GALNT13: variants seen among roughly 807,000 people sequenced by gnomAD.
GALNT13 encodes the protein polypeptide N-acetylgalactosaminyltransferase 13.
GALNT13 carries 28 observed loss-of-function variants against 64.2 expected under a neutral mutation model. The ratio of observed to expected loss-of-function variants is 0.44; its 90% CI spans 0.32 to 0.60. The LOEUF (loss-of-function observed/expected upper bound fraction) is 0.60. GALNT13 is among the 20% of genes least tolerant of loss of function. The pLI is 0.05. For synonymous variants in GALNT13, 214 were observed against 224.6 expected (o/e 0.95, Z 0.42); for missense variants, 577 against 669.8 (o/e 0.86, Z 1.53).
At chr2:154,103,073 T>A (rs1262854675) in intron 3 of GALNT13, among the ~76,000 whole-genome samples, 1 of 152,110 alleles carries the variant, frequency 6.6e-6, no homozygotes, top group East Asian at 1.9e-4. Context: ...ATCAAGTATT[T>A]TTTTTTCATT....
intron 9 of GALNT13, among the ~76,000 whole-genome samples, chr2:154,311,282 CT>C (rs1694022232): frequency 6.6e-6 from 1 of 151,944 alleles, no homozygotes; most frequent in Non-Finnish European, 1.5e-5. Context: ...CACGTAGGTT[CT>C]TTTCTATTTT....
At chr2:154,079,633 G>A (rs757258991) in intron 3 of GALNT13, among the ~76,000 whole-genome samples, 5 of 151,448 alleles carry the variant, frequency 3.3e-5, no homozygotes, top group Non-Finnish European at 4.4e-5. Context: ...CGTCCCTCAT[G>A]ATGAGTCACC....
At chr2:153,567,576 A>G in the GALNT13 span, among the ~76,000 whole-genome samples, 1 of 152,182 alleles carries the variant, frequency 6.6e-6, no homozygotes, top group African/African-American at 2.4e-5. Flanking sequence ...AAATCTAGTG[A>G]GAATCAACAG....
At chr2:154,368,161 TAA>T (rs11345701) in intron 9 of GALNT13, among the ~76,000 whole-genome samples, 20 of 152,006 alleles carry the variant, frequency 1.3e-4, no homozygotes, top group South Asian at 2.1e-4. Flanking sequence ...ATAAAATATG[TAA>T]AAAAAAAATT....
At chr2:153,295,056 A>C in the GALNT13 span, among the ~76,000 whole-genome samples, 2 of 152,298 alleles carry the variant, frequency 1.3e-5, no homozygotes, top group East Asian at 3.9e-4. Flanking sequence ...AAATAGACAC[A>C]GGTGAAGCCC....
At chr2:153,709,923 T>G in the GALNT13 span, among the ~76,000 whole-genome samples, 1 of 151,984 alleles carries the variant, frequency 6.6e-6, no homozygotes, top group Non-Finnish European at 1.5e-5. Context: ...ATAAATGGAA[T>G]CTAAAACAAT....
chr2:154,256,236 A>G (rs1307192428), intron 7 of GALNT13, among the ~76,000 whole-genome samples: 1 of 149,918 alleles, frequency 6.7e-6, no homozygotes, highest in Non-Finnish European at 1.5e-5. Context: ...AGGTAGATTC[A>G]CCCAAGCACC....
At chr2:153,707,255 T>C in the GALNT13 span, among the ~76,000 whole-genome samples, 2 of 152,304 alleles carry the variant, frequency 1.3e-5, no homozygotes, top group East Asian at 3.9e-4. Context: ...ATTGTAAAGT[T>C]GTAAGAATAA....
At chr2:153,873,882 CTCTG>C (rs964429443) in intron 1 of GALNT13, among the ~76,000 whole-genome samples, 8 of 150,460 alleles carry the variant, frequency 5.3e-5, no homozygotes, top group African/African-American at 2.0e-4. Flanking sequence ...GTCTCTCTCT[CTCTG>C]TCTCGTTTGC....
chr2:153,828,493 A>T, the GALNT13 span, among the ~76,000 whole-genome samples: 34 of 152,288 alleles, frequency 2.2e-4, no homozygotes, highest in African/African-American at 7.2e-4. Flanking sequence ...GCCAGGGCCC[A>T]AGTTGTACCT....
the GALNT13 span, among the ~76,000 whole-genome samples, chr2:153,777,273 T>C: frequency 6.6e-6 from 1 of 152,194 alleles, no homozygotes; most frequent in Non-Finnish European, 1.5e-5. Context: ...TCACCTCTAT[T>C]ATCTTTGTTT....
chr2:153,462,520 G>T, the GALNT13 span, among the ~76,000 whole-genome samples: 2 of 152,072 alleles, frequency 1.3e-5, no homozygotes, highest in African/African-American at 4.8e-5. Context: ...ATCAATGGCA[G>T]TTTCATCTCT....
chr2:154,432,141 A>G (rs968837786), intron 11 of GALNT13, among the ~76,000 whole-genome samples: 18 of 152,224 alleles, frequency 1.2e-4, no homozygotes, highest in African/African-American at 3.9e-4. Context: ...TACGACTTCA[A>G]TAAAGTATAC....
chr2:153,394,153 T>G, the GALNT13 span, among the ~76,000 whole-genome samples: 1 of 151,938 alleles, frequency 6.6e-6, no homozygotes. Context: ...CCTCAGAAAA[T>G]GTAAAGGCAG....
At chr2:153,143,899 C>T in the GALNT13 span, among the ~76,000 whole-genome samples, 2 of 151,964 alleles carry the variant, frequency 1.3e-5, no homozygotes, top group Non-Finnish European at 2.9e-5. Flanking sequence ...TTTCTGCCCT[C>T]AGCGTATCTT....
chr2:153,206,706 C>T, the GALNT13 span, among the ~76,000 whole-genome samples: 1 of 152,046 alleles, frequency 6.6e-6, no homozygotes, highest in Non-Finnish European at 1.5e-5. Flanking sequence ...CCCATTCATA[C>T]TTTCAAGTGT....
chr2:154,025,119 C>T (rs895685374), intron 3 of GALNT13, among the ~76,000 whole-genome samples: 2 of 152,158 alleles, frequency 1.3e-5, no homozygotes, highest in African/African-American at 4.8e-5. Flanking sequence ...GGGTGCCTCC[C>T]AGTTAGGCTA....
intron 4 of GALNT13, among the ~76,000 whole-genome samples, chr2:154,158,473 T>G (rs1444971294): frequency 6.6e-6 from 1 of 152,210 alleles, no homozygotes; most frequent in Non-Finnish European, 1.5e-5. Flanking sequence ...TGTTTTTGTT[T>G]GTTTTGGTTT....
the GALNT13 span, among the ~76,000 whole-genome samples, chr2:153,443,779 C>A: frequency 1.3e-5 from 2 of 151,992 alleles, no homozygotes; most frequent in Non-Finnish European, 2.9e-5. Context: ...GAAAATTAGC[C>A]GGGCGTGATG....
Sources: gnomAD v4.1 joint callset for allele counts (sites outside exome capture counted in the v4.1 genomes callset) on GRCh38, gnomAD v4.1.1 for gene constraint, MANE v1.5 for transcripts, NCBI Gene and HGNC (gene_info 2026-07-23, HGNC 2026-07-21) for gene names.